Variants in ABCC1 observed in about 807,000 individuals in gnomAD.
ABCC1 encodes ATP binding cassette subfamily C member 1 (ABCC1 blood group), also known as multidrug resistance-associated protein 1.
In ABCC1, 83 loss-of-function variants were observed where a neutral mutation model predicts 172.9. The observed-to-expected ratio is 0.48, with a 90% CI of 0.40 to 0.58. ABCC1 has a LOEUF of 0.58. Among genes scored for constraint, ABCC1 ranks in the 20% least tolerant of loss-of-function variants. The probability of loss-of-function intolerance (pLI) is 0.00; values close to 1 mark genes in which losing one functional copy is unlikely to be tolerated. For missense variants in ABCC1, 1,817 were observed against 2,002.7 expected (o/e 0.91, Z 1.77); for synonymous variants, 937 against 825.2 (o/e 1.14, Z -2.32).
intron 12 of ABCC1, among the ~76,000 whole-genome samples, chr16:16,067,528 A>G (rs1264891587): frequency 2.0e-5 from 3 of 152,206 alleles, no homozygotes; most frequent in South Asian, 2.1e-4. Flanking sequence ...AACAGCCCTT[A>G]AAAGCCTATC....
chr16:16,015,973 G>C (rs561520905), intron 4 of ABCC1, among the ~76,000 whole-genome samples: 2 of 152,126 alleles, frequency 1.3e-5, no homozygotes, highest in East Asian at 3.9e-4. Context: ...ATACAGCTCT[G>C]TTTCACTCCC....
At chr16:15,961,311 T>C (rs1397933204) in intron 1 of ABCC1, among the ~76,000 whole-genome samples, 1 of 152,206 alleles carries the variant, frequency 6.6e-6, no homozygotes, top group African/African-American at 2.4e-5. Flanking sequence ...GAGGTACTTT[T>C]TTCCTGTGGT....
intron 13 of ABCC1, 56 bp from the exon 14 acceptor site, chr16:16,071,586 G>A: frequency 6.5e-7 from 1 of 1,532,166 alleles, no homozygotes; most frequent in South Asian, 1.2e-5. Context: ...ACCTTGGTTG[G>A]TTTTGCAAAA....
At chr16:16,032,415 G>T (rs1295950895) in intron 5 of ABCC1, among the ~76,000 whole-genome samples, 3 of 152,216 alleles carry the variant, frequency 2.0e-5, no homozygotes, top group African/African-American at 4.8e-5. Context: ...AGGTATTACT[G>T]ATGATTACTG....
intron 5 of ABCC1, 72 bp from the exon 6 acceptor site, chr16:16,033,037 G>A: frequency 6.8e-7 from 1 of 1,479,868 alleles, no homozygotes. Flanking sequence ...TACTTGCTAA[G>A]CTCTGACCTG....
intron 30 of ABCC1, among the ~76,000 whole-genome samples, chr16:16,140,023 C>T (rs2152185300): frequency 6.6e-6 from 1 of 152,322 alleles, no homozygotes; most frequent in Non-Finnish European, 1.5e-5. Flanking sequence ...TCCAATAAAA[C>T]TTTATTCATA....
At chr16:16,073,900 T>C (rs1168546159) in intron 14 of ABCC1, among the ~76,000 whole-genome samples, 1 of 152,204 alleles carries the variant, frequency 6.6e-6, no homozygotes, top group Admixed American at 6.5e-5. Context: ...TAAACGTCGG[T>C]TATACCGCGT....
chr16:16,063,467 G>A (rs748076171), intron 12 of ABCC1, among the ~76,000 whole-genome samples: 1 of 152,156 alleles, frequency 6.6e-6, no homozygotes, highest in Non-Finnish European at 1.5e-5. Flanking sequence ...AATAGTTCAT[G>A]CTCTGTAAAT....
Position 16,124,335 on chromosome 16 carries a change from G to GTGTGTGTGTGTGTGTA in ABCC1, c.3591-440_3591-439insTATGTGTGTGTGTGTG, listed in dbSNP as rs766911904. Among the ~76,000 whole-genome samples, 453 of 87,942 alleles carry GTGTGTGTGTGTGTGTA rather than the reference G, an allele frequency of 5.2e-3. 27 individuals are homozygous for GTGTGTGTGTGTGTGTA. Among genetic ancestry groups the GTGTGTGTGTGTGTGTA allele is most frequent in the Middle Eastern group, 0.025 (5 of 198 alleles). The allele number at this position is 87,942 out of a possible 152,430, so 57.7% of individuals were successfully genotyped here. ...ATGCACTGTGTGTGTGTGTGTGTGT[G>GTGTGTGTGTGTGTGTA]TGTGTGTGTGTGTGATTATAGGAGT... On this transcript the variant is annotated intron_variant, in intron 24 of 30. Transcript: ENST00000399410.
intron 1 of ABCC1, among the ~76,000 whole-genome samples, chr16:15,959,250 C>T (rs1394450955): frequency 6.6e-6 from 1 of 152,198 alleles, no homozygotes; most frequent in South Asian, 2.1e-4. Context: ...GTCTTTTTAC[C>T]TTTTTCCATT....
intron 5 of ABCC1, among the ~76,000 whole-genome samples, chr16:16,026,605 C>T (rs980229442): frequency 1.3e-5 from 2 of 150,610 alleles, no homozygotes; most frequent in Admixed American, 1.3e-4. Flanking sequence ...TGACAAAGCT[C>T]TTTGAGTGTG....
At position 16,019,126 on chromosome 16, in the gene ABCC1, C is replaced by T. The variant is rs552762234; in HGVS notation, c.615+2505C>T. Among the ~76,000 whole-genome samples, 27 of 151,936 alleles carry T rather than the reference C, an allele frequency of 1.8e-4. No homozygotes were observed. The East Asian group carries it at 4.1e-3, about 23-fold the overall frequency. ...TCTGTTGTTTTGTTTTGTTTTTAGA[C>T]GGATTCTTGCTCTTGTTGCCCAGGC... On this transcript the variant is annotated intron_variant, in intron 5 of 30. Transcript: ENST00000399410.
At chr16:16,133,845 A>G (rs2045805404) in intron 27 of ABCC1, among the ~76,000 whole-genome samples, 1 of 152,176 alleles carries the variant, frequency 6.6e-6, no homozygotes, top group Non-Finnish European at 1.5e-5. Flanking sequence ...CAGGAACATC[A>G]TCCTTTGGCC....
intron 5 of ABCC1, among the ~76,000 whole-genome samples, chr16:16,032,292 A>G (rs2048585705): frequency 6.6e-6 from 1 of 152,226 alleles, no homozygotes; most frequent in Non-Finnish European, 1.5e-5. Flanking sequence ...ACTGCAAAAC[A>G]GGGATGATAT....
At chr16:16,095,433 GT>G (rs779529133) in intron 19 of ABCC1, among the ~76,000 whole-genome samples, 15 of 152,234 alleles carry the variant, frequency 9.9e-5, no homozygotes, top group Non-Finnish European at 1.8e-4. Context: ...CAAAACTGGA[GT>G]GGGGTTTGCC....
At chr16:15,955,864 T>C (rs953564641) in intron 1 of ABCC1, among the ~76,000 whole-genome samples, 1 of 152,216 alleles carries the variant, frequency 6.6e-6, no homozygotes, top group Non-Finnish European at 1.5e-5. Context: ...ACGGCTGTAA[T>C]CCCAGCACCT....
At chr16:16,078,763 GC>G (rs1311535472) in intron 15 of ABCC1, among the ~76,000 whole-genome samples, 1 of 152,154 alleles carries the variant, frequency 6.6e-6, no homozygotes, top group East Asian at 1.9e-4. Context: ...TGTAACCTCC[GC>G]CTCTTGGGTT....
intron 28 of ABCC1, 141 bp downstream of exon 28, chr16:16,134,649 T>C (rs1473981540): frequency 9.5e-6 from 7 of 739,060 alleles, no homozygotes; most frequent in East Asian, 7.5e-5. Context: ...TTTTTTTTTT[T>C]TTCCTGAAAC....
At chr16:16,012,962 C>T (rs1456199989) in intron 3 of ABCC1, among the ~76,000 whole-genome samples, 5 of 152,180 alleles carry the variant, frequency 3.3e-5, no homozygotes, top group Non-Finnish European at 7.4e-5. Flanking sequence ...GTATTACAGG[C>T]GTGAGCAACT....
Sources: allele counts gnomAD v4.1 joint callset (sites outside exome capture counted in the v4.1 genomes callset), GRCh38; gene constraint gnomAD v4.1.1; transcripts MANE v1.5; gene names NCBI Gene and HGNC (gene_info 2026-07-23, HGNC 2026-07-21).